BCL2L14: variants seen among roughly 807,000 people sequenced by gnomAD.
BCL2L14 encodes the protein apoptosis facilitator Bcl-2-like protein 14.
BCL2L14 carries 27 observed loss-of-function variants against 35.3 expected under a neutral mutation model. The ratio of observed to expected loss-of-function variants is 0.76; its 90% CI spans 0.56 to 1.05. BCL2L14 has a LOEUF of 1.05. Ranked by LOEUF, BCL2L14 falls within the 50% of genes least tolerant of loss-of-function variation. The pLI, the probability that BCL2L14 is intolerant of heterozygous loss-of-function variation, is 0.00. For synonymous variants in BCL2L14, 139 were observed against 145.9 expected, an observed-to-expected ratio of 0.95 and a Z score of 0.34; for missense variants, 377 against 382.6, an observed-to-expected ratio of 0.99 and a Z score of 0.12.
intron 1 of BCL2L14, among the ~76,000 whole-genome samples, chr12:12,074,745 T>G (rs965911831): frequency 1.3e-5 from 2 of 152,204 alleles, no homozygotes; most frequent in African/African-American, 4.8e-5. Flanking sequence ...AGCCCAGATA[T>G]GTACTTTTTA....
At chr12:12,069,649 A>C (rs1360112848), upstream of BCL2L14, among the ~76,000 whole-genome samples, 1 of 150,704 alleles carries the variant, frequency 6.6e-6, no homozygotes, top group Non-Finnish European at 1.5e-5. Context: ...TGGAGCTTGC[A>C]GTGAGCCAAG....
Position 12,062,045 on chromosome 12 carries a change from C to T in BCL2L14, c.-272+10198C>T, listed in dbSNP as rs1295404684. On this transcript the variant is annotated intron_variant, in intron 2 of 3. Coordinates refer to the BCL2L14 transcript ENST00000461264. ...CATGTCTCCGTGCAGTGGCTGCTGC[C>T]GCCCTAATACTTTTAGAGGCCCTCA... is the stretch of plus-strand genomic sequence containing the variant. 4.6e-5 allele frequency among the ~76,000 whole-genome samples: 7 copies of T among 151,880 alleles called. 1 individual carries two copies. In the Middle Eastern group the frequency reaches 0.01, roughly 223 times the overall value.
At chr12:12,080,130 A>G (rs1212316142) in intron 2 of BCL2L14, among the ~76,000 whole-genome samples, 5 of 150,828 alleles carry the variant, frequency 3.3e-5, no homozygotes, top group South Asian at 2.1e-4. Flanking sequence ...GCGTGAACCC[A>G]GCAGGCGGAG....
rs539453233 is a variant in BCL2L14, at chr12:12,090,790, C to A, written c.619C>A (p.Gln207Lys). The change falls in exon 4 of 6, where the codon CAA becomes AAA. Residue 207 changes from glutamine to lysine, a missense_variant. By Grantham distance (53) the Gln-to-Lys change is moderately conservative (BLOSUM62 1). Transcript: ENST00000308721. ...ATTTTCCCCGACAGATGAAGAAGAA[C>A]AAATACTAGCCAAAATTGTTGAGCT... ...ASSSKKDEEE[Q>K]ILAKIVELLK... 6.2e-7 allele frequency: 1 copy of A among 1,612,130 alleles called. No individual in the cohort carries two copies. Among genetic ancestry groups the A allele is most frequent in the Non-Finnish European group, 8.5e-7 (1 of 1,179,256 alleles).
At chr12:12,083,455 G>A (rs553084756) in intron 2 of BCL2L14, among the ~76,000 whole-genome samples, 1 of 152,200 alleles carries the variant, frequency 6.6e-6, no homozygotes, top group Non-Finnish European at 1.5e-5. Flanking sequence ...TCTTTCACTT[G>A]TGAATCTTTT....
intron 1 of BCL2L14, among the ~76,000 whole-genome samples, chr12:12,075,574 T>C (rs919445179): frequency 3.3e-5 from 5 of 152,066 alleles, no homozygotes; most frequent in East Asian, 1.9e-4. Flanking sequence ...TGCAGGCATG[T>C]GCCACCATGC....
chr12:12,065,597 G>A (rs1948585003), intron 2 of BCL2L14, among the ~76,000 whole-genome samples: 1 of 151,622 alleles, frequency 6.6e-6, no homozygotes. Flanking sequence ...GGCTTCTGGA[G>A]GTGGCAAACT....
chr12:12,050,943 A>G (rs1212870169), intron 1 of BCL2L14, among the ~76,000 whole-genome samples: 2 of 127,542 alleles, frequency 1.6e-5, no homozygotes, highest in East Asian at 1.9e-4. Flanking sequence ...AGCTTGCATA[A>G]GAGAGAGATT....
At chr12:12,087,182 G>A (rs1224990815) in intron 2 of BCL2L14, 31 bp from the exon 3 acceptor site, 1 of 1,608,180 alleles carries the variant, frequency 6.2e-7, no homozygotes, top group South Asian at 1.1e-5. Flanking sequence ...TTCTGGGAAG[G>A]GCCTCTCAGC....
At chr12:12,061,083 C>G (rs867838069) in intron 2 of BCL2L14, among the ~76,000 whole-genome samples, 327 of 108,492 alleles carry the variant, frequency 3.0e-3, no homozygotes, top group African/African-American at 0.011. Flanking sequence ...CTAGTGCCAA[C>G]TTAGACAATA....
Position 12,094,697 on chromosome 12 carries a change from C to T in BCL2L14, c.712C>T (p.Gln238Ter), listed in dbSNP as rs760305149. The change falls in exon 5 of 6, where the codon CAG (glutamine) becomes TAG (stop). Residue 238 changes from glutamine (Q) to a stop codon, truncating the protein, a stop_gained. Coordinates refer to ENST00000308721, the MANE Select transcript of BCL2L14 (RefSeq NM_138723.2). LOFTEE classifies it high-confidence loss of function. ...KKDKALMGHFQDGLSYSVFKT... is the reference protein window; with the variant it reads ...KKDKALMGHF ...AGATAAGGCTTTGATGGGCCACTTC[C>T]AGGATGGGCTGTCCTACTCTGTTTT... 3.1e-6 allele frequency: 5 copies of T among 1,614,208 alleles called. No homozygotes were observed. In the South Asian group the frequency reaches 5.5e-5, roughly 18 times the overall value.
At position 12,079,305 on chromosome 12, in the gene BCL2L14, C is replaced by T. The variant is rs1565465814; in HGVS notation, c.-1C>T. The T allele has an allele frequency of 1.2e-6, 2 of 1,611,886 alleles. No homozygotes were observed. The highest frequency in any genetic ancestry group is 1.1e-5 in the South Asian group (1 of 90,548). ...GTGGACTTTGTTGTTACAGGCCCAA[C>T]ATGTGTAGCACCAGTGGGTGTGACC... On this transcript the variant is annotated 5_prime_UTR_variant, in exon 2 of 6. Transcript: ENST00000308721.
chr12:12,068,564 T>C (rs146485142), upstream of BCL2L14, among the ~76,000 whole-genome samples: 451 of 152,160 alleles, frequency 3.0e-3, 3 homozygotes, highest in Admixed American at 3.9e-3. Flanking sequence ...CACCATGCTA[T>C]GTTGTCTGGC....
intron 5 of BCL2L14, chr12:12,095,159 G>C: frequency 1.0e-6 from 1 of 985,360 alleles, no homozygotes; most frequent in Non-Finnish European, 1.2e-6. Context: ...GGTATGTGTG[G>C]ATGGAAAGGG....
At chr12:12,095,017 A>G in intron 5 of BCL2L14, 87 bp downstream of exon 5, 1 of 1,498,840 alleles carries the variant, frequency 6.7e-7, no homozygotes, top group Non-Finnish European at 8.8e-7. Flanking sequence ...TGAAGGGAAC[A>G]CATCTATGAA....
chr12:12,080,619 CAA>C (rs36081910), intron 2 of BCL2L14, among the ~76,000 whole-genome samples: 37 of 95,340 alleles, frequency 3.9e-4, no homozygotes, highest in East Asian at 3.0e-4. Context: ...GACTTTGTCT[CAA>C]AAAAAAAAAA....
chr12:12,062,687 G>A (rs1591807463), intron 2 of BCL2L14, among the ~76,000 whole-genome samples: 1 of 152,178 alleles, frequency 6.6e-6, no homozygotes, highest in Admixed American at 6.5e-5. Flanking sequence ...GATAGGAAGA[G>A]GCCTTTCCTA....
intron 2 of BCL2L14, among the ~76,000 whole-genome samples, chr12:12,059,248 T>C (rs763789208): frequency 1.1e-4 from 17 of 151,792 alleles, no homozygotes; most frequent in Admixed American, 1.3e-4. Context: ...CCCGCTTTTC[T>C]GGGGGAGGGG....
At position 12,075,775 on chromosome 12, in the gene BCL2L14, CT is replaced by C. The variant is rs923342915; in HGVS notation, c.-7-3517del. Among the ~76,000 whole-genome samples the C allele has an allele frequency of 3.9e-5, 6 of 152,016 alleles. No homozygotes were observed. In the East Asian group the frequency reaches 5.8e-4, roughly 15 times the overall value. ...AGCTGTAGCAGTTCTCTGTCTTCAC[CT>C]TTTTTTGGCGCCATTTATTTGTTGA... On this transcript the variant is annotated intron_variant, in intron 1 of 5. Coordinates refer to ENST00000308721, the MANE Select transcript of BCL2L14 (RefSeq NM_138723.2).
Sources: gnomAD v4.1 joint callset for allele counts (sites outside exome capture counted in the v4.1 genomes callset) on GRCh38, gnomAD v4.1.1 for gene constraint, MANE v1.5 for transcripts, NCBI Gene and HGNC (gene_info 2026-07-23, HGNC 2026-07-21) for gene names.